ZBBX: variants seen among roughly 807,000 people sequenced by gnomAD.
ZBBX encodes zinc finger B-box domain-containing protein 1.
A neutral mutation model predicts 108.5 loss-of-function variants in ZBBX; 101 were observed. That is an observed-to-expected ratio of 0.93 (90% CI 0.79 to 1.10). The LOEUF is 1.10. Among genes scored for constraint, ZBBX ranks in the 50% least tolerant of loss-of-function variants. ZBBX has a pLI of 0.00. For synonymous variants in ZBBX, 356 were observed against 323.4 expected, an observed-to-expected ratio of 1.10 and a Z score of -1.08; for missense variants, 1,009 against 941.4, an observed-to-expected ratio of 1.07 and a Z score of -0.94.
intron 6 of ZBBX, among the ~76,000 whole-genome samples, chr3:167,364,774 C>G (rs1477528022): frequency 1.3e-5 from 2 of 151,912 alleles, no homozygotes; most frequent in African/African-American, 4.8e-5. Context: ...TTACACCTCT[C>G]TATGTTTTAC....
intron 6 of ZBBX, among the ~76,000 whole-genome samples, chr3:167,365,579 T>C (rs1298552923): frequency 2.0e-5 from 3 of 151,758 alleles, no homozygotes; most frequent in Admixed American, 2.0e-4. Flanking sequence ...CACCTTAGTT[T>C]AGAAGTATTT....
the ZBBX span, among the ~76,000 whole-genome samples, chr3:167,214,953 T>C: frequency 6.6e-6 from 1 of 151,822 alleles, no homozygotes; most frequent in Non-Finnish European, 1.5e-5. Flanking sequence ...AGAACAAAAA[T>C]ACATTTCAAA....
the ZBBX span, among the ~76,000 whole-genome samples, chr3:167,185,595 T>C: frequency 6.6e-6 from 1 of 152,256 alleles, no homozygotes; most frequent in Middle Eastern, 3.4e-3. Context: ...CCTATTATTA[T>C]CACAAAAAGT....
At chr3:167,383,357 C>G (rs1040047815), upstream of ZBBX, among the ~76,000 whole-genome samples, 3 of 151,932 alleles carry the variant, frequency 2.0e-5, no homozygotes, top group African/African-American at 7.2e-5. Context: ...ATATAACATC[C>G]TATTACATAT....
At chr3:167,237,262 A>G (rs1720268589), downstream of ZBBX, among the ~76,000 whole-genome samples, 1 of 151,926 alleles carries the variant, frequency 6.6e-6, no homozygotes, top group Non-Finnish European at 1.5e-5. Flanking sequence ...ATGAATATAA[A>G]AAATACTAAA....
chr3:167,352,761 T>C (rs2108506267), intron 8 of ZBBX, among the ~76,000 whole-genome samples: 1 of 148,700 alleles, frequency 6.7e-6, no homozygotes, highest in South Asian at 2.1e-4. Context: ...CAACAACACA[T>C]CAAAAAGATA....
At chr3:167,390,259 A>C (rs1176463738) in intron 1 of ZBBX, among the ~76,000 whole-genome samples, 1 of 152,118 alleles carries the variant, frequency 6.6e-6, no homozygotes, top group Non-Finnish European at 1.5e-5. Flanking sequence ...GGTTTGTCAA[A>C]GATCTGATGG....
chr3:167,181,308 T>A, the ZBBX span, among the ~76,000 whole-genome samples: 346 of 152,284 alleles, frequency 2.3e-3, 1 homozygote, highest in Middle Eastern at 0.01. Flanking sequence ...ATTGTTGTAA[T>A]AAATCTCTCC....
At chr3:167,295,014 A>G (rs1731379415) in intron 18 of ZBBX, among the ~76,000 whole-genome samples, 1 of 152,222 alleles carries the variant, frequency 6.6e-6, no homozygotes, top group African/African-American at 2.4e-5. Flanking sequence ...GCCAGTTAGA[A>G]TGGTGATCAT....
At chr3:167,235,453 TCC>T (rs1188896995), downstream of ZBBX, among the ~76,000 whole-genome samples, 4 of 151,558 alleles carry the variant, frequency 2.6e-5, no homozygotes, top group African/African-American at 9.7e-5. Context: ...AAGTCTATTT[TCC>T]CCCTGGAAAT....
At chr3:167,335,072 G>C (rs1031834509) in intron 9 of ZBBX, among the ~76,000 whole-genome samples, 10 of 151,976 alleles carry the variant, frequency 6.6e-5, no homozygotes, top group African/African-American at 2.4e-4. Flanking sequence ...TACCCCAACT[G>C]TACACGGTAT....
At chr3:167,179,428 C>A in the ZBBX span, among the ~76,000 whole-genome samples, 11 of 152,356 alleles carry the variant, frequency 7.2e-5, no homozygotes, top group East Asian at 1.9e-3. Context: ...GGCCATCAGC[C>A]ATTTGATTCC....
chr3:167,180,789 G>A, the ZBBX span, among the ~76,000 whole-genome samples: 1 of 152,188 alleles, frequency 6.6e-6, no homozygotes, highest in Non-Finnish European at 1.5e-5. Flanking sequence ...TAAAGAAACA[G>A]TCTTTTAAAT....
chr3:167,381,377 A>G (rs559282828), upstream of ZBBX: 3 of 152,280 alleles, frequency 2.0e-5, no homozygotes, highest in South Asian at 6.2e-4. Context: ...CTTAAATGAG[A>G]TAACAGTACA....
the ZBBX span, among the ~76,000 whole-genome samples, chr3:167,210,075 G>T: frequency 6.7e-6 from 1 of 149,390 alleles, no homozygotes; most frequent in East Asian, 1.9e-4. Context: ...AGGTGACAGA[G>T]TGAGACTTGG....
chr3:167,191,420 T>C, the ZBBX span, among the ~76,000 whole-genome samples: 1 of 152,186 alleles, frequency 6.6e-6, no homozygotes, highest in Non-Finnish European at 1.5e-5. Context: ...TCTTGAATTG[T>C]AACTCCCACA....
At chr3:167,256,271 G>A (rs909147472) in intron 20 of ZBBX, among the ~76,000 whole-genome samples, 3 of 152,106 alleles carry the variant, frequency 2.0e-5, no homozygotes, top group South Asian at 2.1e-4. Context: ...ACAAACATAA[G>A]AGGGCAGATA....
intron 1 of ZBBX, among the ~76,000 whole-genome samples, chr3:167,406,830 T>C (rs1748601972): frequency 1.3e-5 from 2 of 152,174 alleles, no homozygotes; most frequent in South Asian, 2.1e-4. Flanking sequence ...CTAATTCTAT[T>C]CTTGAAAATG....
At chr3:167,247,507 C>A (rs1721790811) in intron 20 of ZBBX, among the ~76,000 whole-genome samples, 1 of 152,148 alleles carries the variant, frequency 6.6e-6, no homozygotes, top group Non-Finnish European at 1.5e-5. Context: ...GGCAAGAACC[C>A]AGGATACAGA....
Sources: gnomAD v4.1 joint callset for allele counts (sites outside exome capture counted in the v4.1 genomes callset) on GRCh38, gnomAD v4.1.1 for gene constraint, MANE v1.5 for transcripts, NCBI Gene and HGNC (gene_info 2026-07-23, HGNC 2026-07-21) for gene names.